Variants in TGFBR1 observed in about 807,000 individuals in gnomAD.
TGFBR1 encodes the protein TGF-beta receptor type-1.
Under a neutral mutation model 55.1 loss-of-function variants are expected in TGFBR1, and 20 were observed. The ratio of observed to expected loss-of-function variants is 0.36; its 90% CI spans 0.26 to 0.53. The LOEUF is 0.53. TGFBR1 is among the 20% of genes least tolerant of loss of function. TGFBR1 has a pLI of 0.91. For missense variants in TGFBR1, 385 were observed against 617.6 expected, an observed-to-expected ratio of 0.62 and a Z score of 3.99; for synonymous variants, 220 against 214.8, an observed-to-expected ratio of 1.02 and a Z score of -0.21.
rs191416956 is a variant in TGFBR1, at chr9:99,125,306, A to C, written c.98-3549A>C. ...ATACAGGCTTATAAGTTTTACTGAGATGTCATCCATTTTGTTCATTGGAAG... is the reference window on the plus strand; with the variant it reads ...ATACAGGCTTATAAGTTTTACTGAGCTGTCATCCATTTTGTTCATTGGAAG... On this transcript the variant is annotated intron_variant, in intron 1 of 8. Transcript: ENST00000374994. Among the ~76,000 whole-genome samples, 8 of 152,324 alleles carry C rather than the reference A, an allele frequency of 5.3e-5. No homozygotes were observed. In the East Asian group the frequency reaches 1.5e-3, roughly 29 times the overall value.
intron 1 of TGFBR1, among the ~76,000 whole-genome samples, chr9:99,124,831 C>T (rs528379865): frequency 1.1e-4 from 17 of 151,974 alleles, no homozygotes; most frequent in African/African-American, 3.9e-4. Context: ...AAGAAAAACC[C>T]TTTAGTACTG....
At chr9:99,113,055 G>A (rs1171751892) in intron 1 of TGFBR1, among the ~76,000 whole-genome samples, 1 of 152,148 alleles carries the variant, frequency 6.6e-6, no homozygotes, top group East Asian at 1.9e-4. Flanking sequence ...TCCGTTTGCT[G>A]GGATATGGTT....
chr9:99,130,923 A>C (rs1827203775), intron 2 of TGFBR1, among the ~76,000 whole-genome samples: 1 of 152,224 alleles, frequency 6.6e-6, no homozygotes, highest in African/African-American at 2.4e-5. Context: ...ACTGGATGCC[A>C]TAATTTTATA....
chr9:99,111,617 A>T (rs1055134454), intron 1 of TGFBR1, among the ~76,000 whole-genome samples: 2 of 152,130 alleles, frequency 1.3e-5, no homozygotes, highest in African/African-American at 4.8e-5. Context: ...CGACAGAGTG[A>T]AACTCCATCT....
At chr9:99,135,449 C>A (rs1827403600) in intron 3 of TGFBR1, among the ~76,000 whole-genome samples, 2 of 152,192 alleles carry the variant, frequency 1.3e-5, no homozygotes, top group Non-Finnish European at 2.9e-5. Context: ...ATTCTGAATT[C>A]ATATGTTTAT....
chr9:99,105,100 G>A (rs1329690865), upstream of TGFBR1: 9 of 918,890 alleles, frequency 9.8e-6, no homozygotes, highest in Non-Finnish European at 1.2e-5. Flanking sequence ...AAGGGCCGGA[G>A]CGAGGCCGCC....
chr9:99,135,525 C>G (rs1472045159), intron 3 of TGFBR1, among the ~76,000 whole-genome samples: 3 of 152,186 alleles, frequency 2.0e-5, no homozygotes, highest in African/African-American at 7.2e-5. Context: ...GTGCTTTTAA[C>G]TTGGGAACTT....
intron 6 of TGFBR1, 140 bp downstream of exon 6, chr9:99,145,028 C>A: frequency 3.1e-6 from 3 of 975,614 alleles, no homozygotes; most frequent in Non-Finnish European, 4.6e-6. Flanking sequence ...ATCTCATGGT[C>A]TTGCCTGCTC....
intron 1 of TGFBR1, among the ~76,000 whole-genome samples, chr9:99,112,898 A>G (rs556338445): frequency 6.6e-6 from 1 of 151,736 alleles, no homozygotes; most frequent in African/African-American, 2.4e-5. Flanking sequence ...AGAAATGGCT[A>G]CTAGCATCTA....
chr9:99,116,726 T>C (rs1302571668), intron 1 of TGFBR1, among the ~76,000 whole-genome samples: 2 of 152,186 alleles, frequency 1.3e-5, no homozygotes, highest in South Asian at 2.1e-4. Context: ...CTACCAGCAA[T>C]TGGAAACCCA....
Position 99,105,193 on chromosome 9 carries a change from T to C in TGFBR1, c.-13T>C, listed in dbSNP as rs886063220. ...CCGGGCCGGGCCGGGCCACAGGCGG[T>C]GGCGGCGGGACCATGGAGGCGGCGG... On this transcript the variant is annotated 5_prime_UTR_variant, in exon 1 of 9. Transcript: ENST00000374994. 2.9e-4 allele frequency: 309 copies of C among 1,071,928 alleles called. No homozygotes were observed. Among genetic ancestry groups the C allele is most frequent in the Non-Finnish European group, 3.3e-4 (292 of 889,306 alleles). 66.4% of individuals were successfully genotyped at this position (1,071,928 alleles called of 1,614,324 possible).
At chr9:99,135,949 G>A (rs1235756619) in intron 3 of TGFBR1, among the ~76,000 whole-genome samples, 1 of 151,124 alleles carries the variant, frequency 6.6e-6, no homozygotes, top group African/African-American at 2.4e-5. Flanking sequence ...TCACCTCCCG[G>A]GTTCAAGCAA....
At chr9:99,143,577 A>G (rs981427258) in intron 5 of TGFBR1, among the ~76,000 whole-genome samples, 1 of 152,224 alleles carries the variant, frequency 6.6e-6, no homozygotes, top group East Asian at 1.9e-4. Flanking sequence ...CCCACTTTAC[A>G]TACAGCATAA....
chr9:99,132,796 T>TA, intron 3 of TGFBR1, 57 bp downstream of exon 3: 1 of 1,604,352 alleles, frequency 6.2e-7, no homozygotes, highest in South Asian at 1.1e-5. Flanking sequence ...AAGCGATACT[T>TA]ATTTTATTAG....
At chr9:99,126,921 T>C (rs1827058736) in intron 1 of TGFBR1, among the ~76,000 whole-genome samples, 1 of 152,206 alleles carries the variant, frequency 6.6e-6, no homozygotes, top group African/African-American at 2.4e-5. Flanking sequence ...TTTACTGGTC[T>C]GTAAAGATAA....
At chr9:99,113,826 A>G (rs1564130715) in intron 1 of TGFBR1, among the ~76,000 whole-genome samples, 1 of 152,362 alleles carries the variant, frequency 6.6e-6, no homozygotes, top group South Asian at 2.1e-4. Flanking sequence ...ACTCTCTACC[A>G]TAGCTGTCAA....
chr9:99,108,706 G>C (rs1219954421), intron 1 of TGFBR1, among the ~76,000 whole-genome samples: 1 of 152,148 alleles, frequency 6.6e-6, no homozygotes, highest in Non-Finnish European at 1.5e-5. Flanking sequence ...TTTACTGACT[G>C]ACTGGCAAGT....
intron 1 of TGFBR1, among the ~76,000 whole-genome samples, chr9:99,122,978 T>C (rs1334070031): frequency 6.6e-6 from 1 of 152,144 alleles, no homozygotes; most frequent in Non-Finnish European, 1.5e-5. Context: ...ATTTCAAATA[T>C]TATATTAAAT....
chr9:99,109,471 G>T (rs1164512001), intron 1 of TGFBR1, among the ~76,000 whole-genome samples: 1 of 152,200 alleles, frequency 6.6e-6, no homozygotes, highest in African/African-American at 2.4e-5. Flanking sequence ...CTCATGTAGG[G>T]AAGACCCCTG....
Sources: gnomAD v4.1 joint callset for allele counts (sites outside exome capture counted in the v4.1 genomes callset) on GRCh38, gnomAD v4.1.1 for gene constraint, MANE v1.5 for transcripts, NCBI Gene and HGNC (gene_info 2026-07-23, HGNC 2026-07-21) for gene names.